UNC13C: variants seen among roughly 807,000 people sequenced by gnomAD.
The protein encoded by UNC13C is protein unc-13 homolog C.
In UNC13C, 174 loss-of-function variants were observed where a neutral mutation model predicts 245.4. The ratio of observed to expected loss-of-function variants is 0.71; its 90% CI spans 0.63 to 0.80. UNC13C has a LOEUF of 0.80. Among genes scored for constraint, UNC13C ranks in the 30% least tolerant of loss-of-function variants. The pLI is 0.00. For missense variants in UNC13C, 2,829 were observed against 2,602.9 expected (o/e 1.09, Z -1.89); for synonymous variants, 992 against 895.1 (o/e 1.11, Z -1.93).
chr15:53,865,779 A>G, the UNC13C span, among the ~76,000 whole-genome samples: 4 of 152,116 alleles, frequency 2.6e-5, no homozygotes, highest in African/African-American at 7.2e-5. Flanking sequence ...ATGTATATCT[A>G]AAAGTATATT....
chr15:53,881,136 T>TTGTG, the UNC13C span, among the ~76,000 whole-genome samples: 402 of 151,368 alleles, frequency 2.7e-3, 1 homozygote, highest in South Asian at 0.013. Context: ...AAGTTGGGGA[T>TTGTG]TGTGTGTGTG....
chr15:53,945,963 C>T, the UNC13C span, among the ~76,000 whole-genome samples: 3 of 152,036 alleles, frequency 2.0e-5, no homozygotes, highest in Non-Finnish European at 4.4e-5. Context: ...GATCTTTCAC[C>T]TCCCTGGTTA....
intron 10 of UNC13C, among the ~76,000 whole-genome samples, chr15:54,281,923 T>G (rs2140917773): frequency 6.6e-6 from 1 of 152,348 alleles, no homozygotes; most frequent in South Asian, 2.1e-4. Flanking sequence ...TTATTCATTT[T>G]AAGTGTGCAT....
chr15:54,075,305 G>A (rs377462341), intron 2 of UNC13C, among the ~76,000 whole-genome samples: 1 of 151,914 alleles, frequency 6.6e-6, no homozygotes. Flanking sequence ...CTAACACGGC[G>A]AAACACCGTC....
chr15:54,052,196 A>G (rs1272577508), intron 2 of UNC13C, among the ~76,000 whole-genome samples: 1 of 102,610 alleles, frequency 9.7e-6, no homozygotes, highest in South Asian at 3.8e-4. Flanking sequence ...AGTCTTTGCT[A>G]TTGTGAATAA....
intron 17 of UNC13C, among the ~76,000 whole-genome samples, chr15:54,346,908 G>C (rs1419270324): frequency 6.6e-6 from 1 of 152,112 alleles, no homozygotes. Flanking sequence ...GGACATATCA[G>C]AGAACAAACG....
chr15:54,099,128 T>C (rs1358993471), intron 2 of UNC13C, among the ~76,000 whole-genome samples: 1 of 152,220 alleles, frequency 6.6e-6, no homozygotes, highest in African/African-American at 2.4e-5. Context: ...AGTTCTTTAC[T>C]TGACAAAGGG....
the UNC13C span, among the ~76,000 whole-genome samples, chr15:53,967,157 T>C: frequency 6.6e-6 from 1 of 152,064 alleles, no homozygotes; most frequent in South Asian, 2.1e-4. Context: ...ACTATTAGGT[T>C]ACGGTTTATG....
At chr15:54,124,953 G>C (rs921338586) in intron 2 of UNC13C, among the ~76,000 whole-genome samples, 6 of 152,166 alleles carry the variant, frequency 3.9e-5, no homozygotes, top group African/African-American at 1.4e-4. Context: ...CCAGAAATGT[G>C]TGGGTCTTTT....
At chr15:54,455,205 CTATATATATA>C (rs1214014395) in intron 19 of UNC13C, among the ~76,000 whole-genome samples, 19 of 18,962 alleles carry the variant, frequency 1.0e-3, no homozygotes, top group African/African-American at 3.2e-3. Flanking sequence ...CTCTCTCTCT[CTATATATATA>C]TATATATATA....
chr15:54,135,653 G>A (rs2031689294), intron 2 of UNC13C, among the ~76,000 whole-genome samples: 1 of 152,096 alleles, frequency 6.6e-6, no homozygotes, highest in Non-Finnish European at 1.5e-5. Flanking sequence ...TGTTCCATCA[G>A]TCTATGTGTG....
chr15:53,967,870 T>C, the UNC13C span: 43 of 152,316 alleles, frequency 2.8e-4, no homozygotes, highest in African/African-American at 8.9e-4. Context: ...GCTTTGTTTT[T>C]AAAAAATGTA....
At chr15:53,846,190 G>T in the UNC13C span, among the ~76,000 whole-genome samples, 1 of 152,120 alleles carries the variant, frequency 6.6e-6, no homozygotes, top group African/African-American at 2.4e-5. Flanking sequence ...ATTTACGATG[G>T]ATTTATTGAG....
intron 10 of UNC13C, among the ~76,000 whole-genome samples, chr15:54,292,196 A>G (rs2140933903): frequency 6.6e-6 from 1 of 152,082 alleles, no homozygotes; most frequent in East Asian, 1.9e-4. Context: ...AGGACATTTC[A>G]GTGTCTAGTA....
At chr15:54,469,825 T>C (rs544085203) in intron 19 of UNC13C, among the ~76,000 whole-genome samples, 1 of 151,620 alleles carries the variant, frequency 6.6e-6, no homozygotes, top group South Asian at 2.1e-4. Flanking sequence ...GCCATCCTTA[T>C]ATTGTTCCTG....
At chr15:54,185,653 A>T (rs2033954354) in intron 4 of UNC13C, among the ~76,000 whole-genome samples, 1 of 146,804 alleles carries the variant, frequency 6.8e-6, no homozygotes, top group Non-Finnish European at 1.5e-5. Flanking sequence ...TACCAGTACC[A>T]TGCTGTTTTG....
the UNC13C span, among the ~76,000 whole-genome samples, chr15:53,905,433 A>G: frequency 0.019 from 2,254 of 115,744 alleles, 43 homozygotes; most frequent in African/African-American, 0.052. Context: ...CACACACACA[A>G]TGGAATATTG....
intron 30 of UNC13C, among the ~76,000 whole-genome samples, chr15:54,616,178 T>C (rs1900419274): frequency 6.6e-6 from 1 of 152,048 alleles, no homozygotes; most frequent in South Asian, 2.1e-4. Flanking sequence ...GGAGACTCAC[T>C]TAATATAAAG....
At chr15:54,088,867 TGAG>T (rs1278699713) in intron 2 of UNC13C, among the ~76,000 whole-genome samples, 3 of 152,310 alleles carry the variant, frequency 2.0e-5, no homozygotes, top group African/African-American at 7.2e-5. Context: ...ATGTAGAATT[TGAG>T]GAGGAGGAAA....
Sources: allele counts gnomAD v4.1 joint callset (sites outside exome capture counted in the v4.1 genomes callset), GRCh38; gene constraint gnomAD v4.1.1; transcripts MANE v1.5; gene names NCBI Gene and HGNC (gene_info 2026-07-23, HGNC 2026-07-21).